Variants in TNS3 observed in about 807,000 individuals in gnomAD.
TNS3 encodes the protein tensin-3.
In TNS3, 45 loss-of-function variants were observed where a neutral mutation model predicts 140.9. That is an observed-to-expected ratio of 0.32 (90% CI 0.25 to 0.41). The LOEUF (loss-of-function observed/expected upper bound fraction) is 0.41. Ranked by LOEUF, TNS3 falls within the 10% of genes least tolerant of loss-of-function variation. The probability of loss-of-function intolerance (pLI) is 1.00; values close to 1 mark genes in which losing one functional copy is unlikely to be tolerated. For missense variants in TNS3, 1,716 were observed against 1,906.7 expected, an observed-to-expected ratio of 0.90 and a Z score of 1.86; for synonymous variants, 815 against 788.4, an observed-to-expected ratio of 1.03 and a Z score of -0.56.
rs937893240 is a variant in TNS3, at chr7:47,278,191, C to A, written c.4223G>T (p.Gly1408Val). ...GTGGCACACATTATCCGTGGCACTGCCCTGCTTCCGGGCCACAAATCCAAA... is the reference window on the plus strand; with the variant it reads ...GTGGCACACATTATCCGTGGCACTGACCTGCTTCCGGGCCACAAATCCAAA... ...KVFGFVARKQ[G>V]SATDNVCHLF... Residue 1408 changes from glycine to valine, a missense_variant, in exon 31 of 31, where the codon GGC becomes GTC. Gly to Val is a moderately radical substitution (Grantham distance 109, BLOSUM62 -3). Transcript: ENST00000311160. 2 of 1,613,976 alleles carry A rather than the reference C, an allele frequency of 1.2e-6. No homozygotes were observed. The highest frequency in any genetic ancestry group is 2.7e-5 in the African/African-American group (2 of 74,920).
chr7:47,445,258 G>C (rs921378497), intron 4 of TNS3, among the ~76,000 whole-genome samples: 2 of 152,154 alleles, frequency 1.3e-5, no homozygotes, highest in African/African-American at 4.8e-5. Context: ...GGCATGTGGT[G>C]CTCAGCAGCT....
intron 2 of TNS3, among the ~76,000 whole-genome samples, chr7:47,508,817 T>C (rs1423433455): frequency 6.6e-6 from 1 of 152,160 alleles, no homozygotes. Flanking sequence ...AGATGCCATG[T>C]TGTGAGGACA....
intron 17 of TNS3, among the ~76,000 whole-genome samples, chr7:47,357,731 G>GCGC (rs1228896470): frequency 6.6e-6 from 1 of 152,136 alleles, no homozygotes; most frequent in Non-Finnish European, 1.5e-5. Flanking sequence ...GAACGGGTAG[G>GCGC]CGCCGGCAAA....
rs1562675556 is a variant in TNS3, at chr7:47,389,104, G to GAAGAAGAAGAAGAAGAAGAA, written c.1024+7695_1024+7696insTTCTTCTTCTTCTTCTTCTT. Among the ~76,000 whole-genome samples, 2 of 29,982 alleles carry GAAGAAGAAGAAGAAGAAGAA rather than the reference G, an allele frequency of 6.7e-5. 1 individual carries two copies. The highest frequency in any genetic ancestry group is 4.1e-4 in the African/African-American group (2 of 4,928). 19.7% of individuals were successfully genotyped at this position (29,982 alleles called of 152,430 possible). On this transcript the variant is annotated intron_variant, in intron 16 of 30. Transcript: ENST00000311160. ...AAGAAGAGGAAGAGGAAGAGGAAGC[G>GAAGAAGAAGAAGAAGAAGAA]GAAGCAGAAGAAGAAGAAGAAGAAG...
chr7:47,447,231 T>A (rs532032827), intron 4 of TNS3, among the ~76,000 whole-genome samples: 15 of 150,664 alleles, frequency 1.0e-4, no homozygotes, highest in African/African-American at 3.7e-4. Context: ...GCCTGGAGGG[T>A]CATTCTGGTT....
At chr7:47,352,419 A>G (rs1167748964) in intron 17 of TNS3, among the ~76,000 whole-genome samples, 5 of 152,114 alleles carry the variant, frequency 3.3e-5, no homozygotes, top group African/African-American at 1.2e-4. Flanking sequence ...CTGTGCTCCA[A>G]CACGGCCCCA....
intron 27 of TNS3, among the ~76,000 whole-genome samples, chr7:47,284,675 T>G (rs1785321030): frequency 6.6e-6 from 1 of 152,206 alleles, no homozygotes; most frequent in Non-Finnish European, 1.5e-5. Context: ...TGAGTAGGCT[T>G]CCTCCTGAGG....
chr7:47,524,579 G>A (rs1326206161), intron 2 of TNS3, among the ~76,000 whole-genome samples: 1 of 151,100 alleles, frequency 6.6e-6, no homozygotes, highest in Non-Finnish European at 1.5e-5. Flanking sequence ...GAGGCGGGTG[G>A]ATCATGAGGT....
chr7:47,307,304 C>T (rs527876778), intron 20 of TNS3, among the ~76,000 whole-genome samples: 25 of 152,222 alleles, frequency 1.6e-4, no homozygotes, highest in African/African-American at 6.0e-4. Flanking sequence ...TTTGAGATTC[C>T]GCCACATTGT....
chr7:47,435,570 G>A (rs1795139222), intron 7 of TNS3, among the ~76,000 whole-genome samples, 166 bp from the exon 8 acceptor site: 1 of 152,096 alleles, frequency 6.6e-6, no homozygotes, highest in African/African-American at 2.4e-5. Flanking sequence ...TTCCTTCACT[G>A]GGAAGAAAAA....
chr7:47,295,421 G>C (rs1262790771), intron 24 of TNS3, among the ~76,000 whole-genome samples: 1 of 152,268 alleles, frequency 6.6e-6, no homozygotes, highest in East Asian at 1.9e-4. Flanking sequence ...TCTTGGTCCT[G>C]CGACCCTCTT....
chr7:47,428,344 T>C lies in TNS3; in HGVS notation c.357A>G (p.Ser119=), dbSNP rs1794762859. Reference sequence around the variant, plus strand: ...AGACGTTGGTGAAATGCATGTAGGATGATATGACCACTCCTATGCGTCCTT... The same window carrying C: ...AGACGTTGGTGAAATGCATGTAGGACGATATGACCACTCCTATGCGTCCTT... ...GGKGRIGVVI[S]SYMHFTNVSA... Residue 119 remains serine (S), a synonymous_variant, in exon 9 of 31, where the codon TCA becomes TCG. Coordinates refer to ENST00000311160, the MANE Select transcript of TNS3 (RefSeq NM_022748.12). The C allele has an allele frequency of 1.4e-6, 2 of 1,454,338 alleles. No individual in the cohort carries two copies. Among genetic ancestry groups the C allele is most frequent in the East Asian group, 2.7e-5 (1 of 37,296 alleles). 90.1% of individuals were successfully genotyped at this position (1,454,338 alleles called of 1,614,324 possible).
intron 2 of TNS3, among the ~76,000 whole-genome samples, chr7:47,511,765 G>A (rs1798618560): frequency 6.6e-6 from 1 of 152,134 alleles, no homozygotes; most frequent in East Asian, 1.9e-4. Flanking sequence ...CTCAGCTTCT[G>A]GAACCTCCCC....
upstream of TNS3, chr7:47,582,550 G>A: frequency 2.2e-6 from 1 of 453,932 alleles, no homozygotes; most frequent in Admixed American, 2.4e-5. Context: ...TAGCCTAGTG[G>A]GAGTCGCGCA....
At chr7:47,283,202 T>G (rs563313043) in intron 28 of TNS3, among the ~76,000 whole-genome samples, 1 of 152,308 alleles carries the variant, frequency 6.6e-6, no homozygotes, top group South Asian at 2.1e-4. Flanking sequence ...AAGATCCACA[T>G]GGAGAACATC....
chr7:47,352,338 CCTCACACAGT>C (rs1789733018), intron 17 of TNS3, among the ~76,000 whole-genome samples: 1 of 152,136 alleles, frequency 6.6e-6, no homozygotes, highest in African/African-American at 2.4e-5. Context: ...TCACAGACAG[CCTCACACAGT>C]CTCACACTCA....
intron 4 of TNS3, among the ~76,000 whole-genome samples, chr7:47,469,718 A>C (rs1213155509): frequency 2.0e-5 from 3 of 152,190 alleles, no homozygotes; most frequent in African/African-American, 7.2e-5. Context: ...TCACGCCTGT[A>C]ATCCCAGCAC....
chr7:47,281,995 C>G (rs957214835), intron 28 of TNS3, among the ~76,000 whole-genome samples: 1 of 150,114 alleles, frequency 6.7e-6, no homozygotes, highest in South Asian at 2.1e-4. Flanking sequence ...CCTGAGTCCA[C>G]CAAGCAGCCT....
Position 47,276,837 on chromosome 7 carries a change from C to T in TNS3, c.*1239G>A, listed in dbSNP as rs752639470. 1.3e-5 allele frequency: 2 copies of T among 152,224 alleles called. No homozygotes were observed. Among genetic ancestry groups the T allele is most frequent in the Non-Finnish European group, 2.9e-5 (2 of 68,060 alleles). The allele number at this position is 152,224 out of a possible 1,614,324, so 9.4% of individuals were successfully genotyped here. A position where few individuals can be genotyped will look rare whatever the true frequency, so the allele number is the denominator to read the frequency against. On this transcript the variant is annotated 3_prime_UTR_variant, in exon 31 of 31. Transcript: ENST00000311160. ...CATCCTCCCTTCTGCTCACACATGC[C>T]ACAACCACACATGGTCCCCAGCAGG... is the stretch of plus-strand genomic sequence containing the variant.
Sources: allele counts gnomAD v4.1 joint callset (sites outside exome capture counted in the v4.1 genomes callset), GRCh38; gene constraint gnomAD v4.1.1; transcripts MANE v1.5; gene names NCBI Gene and HGNC (gene_info 2026-07-23, HGNC 2026-07-21).